The following SPATA16 variants were observed in gnomAD, a reference collection of about 807,000 sequenced individuals.
SPATA16 encodes the protein spermatogenesis-associated protein 16.
SPATA16 carries 36 observed loss-of-function variants against 63.3 expected under a neutral mutation model. The observed-to-expected ratio is 0.57, with a 90% CI of 0.44 to 0.75. The LOEUF (loss-of-function observed/expected upper bound fraction) is 0.75, where lower values mean the gene tolerates loss of function less well. Ranked by LOEUF, SPATA16 falls within the 30% of genes least tolerant of loss-of-function variation. SPATA16 has a pLI of 0.00. For missense variants in SPATA16, 646 were observed against 679.3 expected (o/e 0.95, Z 0.54); for synonymous variants, 203 against 216.7 (o/e 0.94, Z 0.56).
intron 10 of SPATA16, among the ~76,000 whole-genome samples, chr3:172,912,154 C>A (rs1243302627): frequency 6.6e-6 from 1 of 152,004 alleles, no homozygotes; most frequent in African/African-American, 2.4e-5. Context: ...TAGAAATATC[C>A]CCTTTTACCT....
chr3:173,112,483 G>T (rs554555245), intron 2 of SPATA16, among the ~76,000 whole-genome samples: 2 of 152,154 alleles, frequency 1.3e-5, no homozygotes, highest in Non-Finnish European at 2.9e-5. Flanking sequence ...AGCGGATCCC[G>T]ACTCCACCAC....
chr3:172,953,609 A>G (rs985172605), intron 6 of SPATA16, among the ~76,000 whole-genome samples: 2 of 152,216 alleles, frequency 1.3e-5, no homozygotes, highest in Non-Finnish European at 2.9e-5. Flanking sequence ...AATGGGCCAC[A>G]TAAATGAATC....
At chr3:172,890,287 A>C (rs558693567) in intron 10 of SPATA16, among the ~76,000 whole-genome samples, 3 of 152,356 alleles carry the variant, frequency 2.0e-5, no homozygotes, top group African/African-American at 7.2e-5. Context: ...CTTGAAAAAG[A>C]ATTAGTCTTT....
chr3:173,085,487 A>G (rs1026519880), intron 2 of SPATA16, among the ~76,000 whole-genome samples: 1 of 151,996 alleles, frequency 6.6e-6, no homozygotes, highest in African/African-American at 2.4e-5. Context: ...CTCTCTTCCT[A>G]TTTAAATATG....
chr3:172,918,476 C>T (rs1023259346), intron 8 of SPATA16, among the ~76,000 whole-genome samples: 1 of 152,050 alleles, frequency 6.6e-6, no homozygotes, highest in African/African-American at 2.4e-5. Flanking sequence ...CTAATAGTCA[C>T]CCCTCCTCCC....
chr3:172,995,819 A>G (rs1343945105), intron 4 of SPATA16, among the ~76,000 whole-genome samples: 2 of 152,136 alleles, frequency 1.3e-5, no homozygotes, highest in Non-Finnish European at 1.5e-5. Flanking sequence ...ACATTAACGT[A>G]TACTCTTTCA....
intron 4 of SPATA16, among the ~76,000 whole-genome samples, chr3:172,988,269 A>G (rs927215581): frequency 1.3e-5 from 2 of 152,216 alleles, no homozygotes; most frequent in Non-Finnish European, 2.9e-5. Flanking sequence ...CAGTTATGCA[A>G]TGTTTTGCCA....
chr3:172,989,689 T>C (rs1734533149), intron 4 of SPATA16, among the ~76,000 whole-genome samples: 1 of 152,200 alleles, frequency 6.6e-6, no homozygotes, highest in Non-Finnish European at 1.5e-5. Context: ...CAGTGCCTGA[T>C]ACTTGGGAAG....
chr3:172,927,137 C>T (rs1447107912), intron 6 of SPATA16, among the ~76,000 whole-genome samples: 1 of 151,990 alleles, frequency 6.6e-6, no homozygotes, highest in African/African-American at 2.4e-5. Context: ...CTGACAAGCC[C>T]AATATTAAAA....
intron 6 of SPATA16, among the ~76,000 whole-genome samples, chr3:172,949,465 AT>A (rs1733375948): frequency 6.6e-6 from 1 of 152,304 alleles, no homozygotes; most frequent in South Asian, 2.1e-4. Flanking sequence ...TGACTTCAAA[AT>A]TTTTTTAAAT....
intron 2 of SPATA16, among the ~76,000 whole-genome samples, chr3:173,059,131 T>A (rs1027779329): frequency 1.9e-4 from 29 of 152,138 alleles, no homozygotes; most frequent in Non-Finnish European, 2.8e-4. Context: ...CTTAGCACTT[T>A]GTAGTTTTGT....
intron 2 of SPATA16, among the ~76,000 whole-genome samples, chr3:173,091,756 T>C (rs1386619059): frequency 8.5e-5 from 13 of 152,144 alleles, no homozygotes; most frequent in Admixed American, 8.5e-4. Flanking sequence ...ATAAAACCAA[T>C]TGATTTTCAA....
At chr3:173,036,479 A>G (rs2108287079) in intron 3 of SPATA16, among the ~76,000 whole-genome samples, 1 of 152,170 alleles carries the variant, frequency 6.6e-6, no homozygotes, top group East Asian at 1.9e-4. Flanking sequence ...AATGACCAAC[A>G]GGTAATATTA....
intron 2 of SPATA16, 127 bp from the exon 3 acceptor site, chr3:173,049,221 T>A (rs889742709): frequency 4.0e-6 from 4 of 1,007,104 alleles, no homozygotes; most frequent in African/African-American, 3.2e-5. Context: ...GTTTTGCGTA[T>A]ATGTTAAAAG....
intron 5 of SPATA16, among the ~76,000 whole-genome samples, chr3:172,966,547 A>C (rs1469591313): frequency 1.3e-5 from 2 of 152,200 alleles, no homozygotes; most frequent in African/African-American, 4.8e-5. Context: ...AGAAAAACGA[A>C]ATCATGCCAC....
At chr3:172,908,827 G>A (rs751382578) in intron 10 of SPATA16, among the ~76,000 whole-genome samples, 3 of 151,622 alleles carry the variant, frequency 2.0e-5, no homozygotes, top group Non-Finnish European at 2.9e-5. Context: ...AGTGTAGCTT[G>A]TACAATTAGG....
chr3:172,941,897 A>G (rs1332245430), intron 6 of SPATA16, among the ~76,000 whole-genome samples: 1 of 152,068 alleles, frequency 6.6e-6, no homozygotes, highest in Non-Finnish European at 1.5e-5. Context: ...AAAGTATTCT[A>G]TGACCTTTAT....
chr3:172,948,608 A>G (rs575199681), intron 6 of SPATA16, among the ~76,000 whole-genome samples: 1 of 152,126 alleles, frequency 6.6e-6, no homozygotes, highest in African/African-American at 2.4e-5. Flanking sequence ...CTGGGACTAC[A>G]GATGTGTACC....
chr3:173,123,457 G>GT (rs548645411), intron 1 of SPATA16, among the ~76,000 whole-genome samples: 3,458 of 148,994 alleles, frequency 0.023, 80 homozygotes, highest in Middle Eastern at 0.076. Context: ...TACTTTAAAA[G>GT]TTTTTTTTTT....
Sources: gnomAD v4.1 joint callset for allele counts (sites outside exome capture counted in the v4.1 genomes callset) on GRCh38, gnomAD v4.1.1 for gene constraint, MANE v1.5 for transcripts, NCBI Gene and HGNC (gene_info 2026-07-23, HGNC 2026-07-21) for gene names.